Variants in RAB11FIP3 observed in about 807,000 individuals in gnomAD.
RAB11FIP3 encodes rab11 family-interacting protein 3.
A neutral mutation model predicts 77.8 loss-of-function variants in RAB11FIP3; 17 were observed. The observed-to-expected ratio is 0.22, with a 90% CI of 0.15 to 0.33. The LOEUF (loss-of-function observed/expected upper bound fraction) is 0.33. Among genes scored for constraint, RAB11FIP3 ranks in the 10% least tolerant of loss-of-function variants. The probability of loss-of-function intolerance (pLI) is 1.00; values close to 1 mark genes in which losing one functional copy is unlikely to be tolerated. For synonymous variants in RAB11FIP3, 437 were observed against 448.2 expected, an observed-to-expected ratio of 0.98 and a Z score of 0.31; for missense variants, 1,005 against 1,011.2, an observed-to-expected ratio of 0.99 and a Z score of 0.08.
At chr16:463,817 G>A (rs1437565406) in intron 2 of RAB11FIP3, among the ~76,000 whole-genome samples, 1 of 152,186 alleles carries the variant, frequency 6.6e-6, no homozygotes, top group Non-Finnish European at 1.5e-5. Context: ...CGGCCTCTGC[G>A]CTGGGCTTGG....
In RAB11FIP3 at chr16:522,044, T is replaced by TGTGTGCGCGCGCGTGTGTGTGCGCGC. The variant is rs58290701; in HGVS notation, c.*1205_*1206insGTGTGCGCGCGCGTGTGTGTGCGCGC. 1 of 151,730 alleles carries TGTGTGCGCGCGCGTGTGTGTGCGCGC rather than the reference T, an allele frequency of 6.6e-6. No homozygotes were observed. The highest frequency in any genetic ancestry group is 2.4e-5 in the African/African-American group (1 of 41,226). 9.4% of individuals were successfully genotyped at this position (151,730 alleles called of 1,614,324 possible). Reference sequence around the variant, plus strand: ...CGCTGCGTGTGTGTGCGCGCGCGTGTACGTGTGGCCCCACATCCGCCGCCT... The same window carrying TGTGTGCGCGCGCGTGTGTGTGCGCGC: ...CGCTGCGTGTGTGTGCGCGCGCGTGTGTGTGCGCGCGCGTGTGTGTGCGCGCACGTGTGGCCCCACATCCGCCGCCT... On this transcript the variant is annotated 3_prime_UTR_variant, in exon 14 of 14. Coordinates refer to ENST00000262305, the MANE Select transcript of RAB11FIP3 (RefSeq NM_014700.4).
rs2032655306 is a variant in RAB11FIP3 at position 520,854 on chromosome 16, A to T, written c.*15A>T. On this transcript the variant is annotated 3_prime_UTR_variant, in exon 14 of 14. Transcript: ENST00000262305. The stretch of plus-strand genomic sequence containing the variant: ...AGGTCAAGTAGAGGCAGGAAGGTCC[A>T]GCCTGAGCTGGATTCGGGACTCCAA... The T allele has an allele frequency of 2.5e-6, 4 of 1,604,274 alleles. No individual in the cohort carries two copies. The South Asian group carries it at 3.3e-5, about 13-fold the overall frequency.
intron 3 of RAB11FIP3, chr16:482,239 T>G: frequency 1.8e-6 from 1 of 571,022 alleles, no homozygotes; most frequent in South Asian, 1.7e-5. Flanking sequence ...GTATTTTTGG[T>G]AGAGACAAAT....
chr16:435,175 A>T (rs1366631172), intron 1 of RAB11FIP3, among the ~76,000 whole-genome samples: 1 of 151,348 alleles, frequency 6.6e-6, no homozygotes, highest in African/African-American at 2.4e-5. Context: ...ACTGCACTCC[A>T]GCCTGGGCGA....
intron 3 of RAB11FIP3, among the ~76,000 whole-genome samples, chr16:478,647 AT>A (rs1465631276): frequency 6.6e-6 from 1 of 152,148 alleles, no homozygotes; most frequent in Non-Finnish European, 1.5e-5. Flanking sequence ...CAGCAATTTC[AT>A]TTTCATTAAG....
chr16:498,946 C>T (rs764876612), intron 6 of RAB11FIP3, among the ~76,000 whole-genome samples: 1 of 152,190 alleles, frequency 6.6e-6, no homozygotes, highest in African/African-American at 2.4e-5. Context: ...CGTAGTAGGT[C>T]ACGCCTGTAA....
intron 1 of RAB11FIP3, among the ~76,000 whole-genome samples, chr16:431,369 A>G (rs957638632): frequency 6.6e-6 from 1 of 150,974 alleles, no homozygotes; most frequent in South Asian, 2.1e-4. Context: ...ATTTTACTAC[A>G]TTTCTTTTCA....
intron 1 of RAB11FIP3, among the ~76,000 whole-genome samples, chr16:456,306 C>T (rs1256580113): frequency 5.3e-5 from 8 of 151,528 alleles, no homozygotes; most frequent in South Asian, 2.1e-4. Context: ...AAAAATGAGC[C>T]GGGTGTGGCG....
chr16:436,757 A>G (rs2055136963), intron 1 of RAB11FIP3, among the ~76,000 whole-genome samples: 1 of 152,150 alleles, frequency 6.6e-6, no homozygotes, highest in Admixed American at 6.6e-5. Flanking sequence ...GATATGAGCT[A>G]CCGCGCCCAG....
At chr16:480,503 T>C (rs1415545181) in intron 3 of RAB11FIP3, among the ~76,000 whole-genome samples, 1 of 151,872 alleles carries the variant, frequency 6.6e-6, no homozygotes, top group Admixed American at 6.6e-5. Flanking sequence ...TATATTTATT[T>C]ATTTATTTAT....
At position 466,769 on chromosome 16, in the gene RAB11FIP3, T is replaced by C. The variant is rs116731759; in HGVS notation, c.809-4526T>C. ...AGACACCGTCCCCTTCTCTCTTTGC[T>C]GTCACCTGGGCCAATCCCACAGCAG... is the stretch of plus-strand genomic sequence containing the variant. On this transcript the variant is annotated intron_variant, in intron 2 of 13. Coordinates refer to ENST00000262305, the MANE Select transcript of RAB11FIP3 (RefSeq NM_014700.4). 6.7e-3 allele frequency among the ~76,000 whole-genome samples: 1,016 copies of C among 152,274 alleles called. 11 individuals are homozygous for C. Among genetic ancestry groups the C allele is most frequent in the African/African-American group, 0.021 (883 of 41,556 alleles).
At position 457,657 on chromosome 16, in the gene RAB11FIP3, C is replaced by G. The variant is rs555139166; in HGVS notation, c.715-3747C>G. 3.9e-5 allele frequency among the ~76,000 whole-genome samples: 6 copies of G among 152,168 alleles called. No individual in the cohort carries two copies. In the South Asian group the frequency reaches 1.0e-3, roughly 26 times the overall value. On this transcript the variant is annotated intron_variant, in intron 1 of 13. Coordinates refer to ENST00000262305, the MANE Select transcript of RAB11FIP3 (RefSeq NM_014700.4). ...TAAAATGGAGTTTTAAAAATGTATA[C>G]TTTGATTCACTCTTGTTCATTCTAA...
intron 1 of RAB11FIP3, among the ~76,000 whole-genome samples, chr16:458,472 TGGGGGGCCTTCCTCGGGTTCACCGATGCC>T: frequency 7.0e-6 from 1 of 142,360 alleles, no homozygotes; most frequent in Non-Finnish European, 1.5e-5. Flanking sequence ...CCACAGGGCC[TGGGGGGCCTTCCTCGGGTTCACCGATGCC>T]CACAGGGCCT....
rs979092131 is a variant in RAB11FIP3 at position 506,351 on chromosome 16, G to A, written c.1499+724G>A. 6.6e-6 allele frequency among the ~76,000 whole-genome samples: 1 copy of A among 152,108 alleles called. No homozygotes were observed. The highest frequency in any genetic ancestry group is 2.4e-5 in the African/African-American group (1 of 41,416). On this transcript the variant is annotated intron_variant, in intron 8 of 13. Coordinates refer to ENST00000262305, the MANE Select transcript of RAB11FIP3 (RefSeq NM_014700.4). The surrounding 1 kb of genome is among the most constrained non-coding windows in gnomAD (Gnocchi z 4.5). ...GCTATGACACCTGTAGCTGGGCACCGGCAGCCTCTTGTGGGCAGAGGAGGC... is the reference window on the plus strand; with the variant it reads ...GCTATGACACCTGTAGCTGGGCACCAGCAGCCTCTTGTGGGCAGAGGAGGC...
chr16:475,130 A>G (rs2055878794), intron 3 of RAB11FIP3: 4 of 1,530,954 alleles, frequency 2.6e-6, no homozygotes, highest in Admixed American at 2.0e-5. Context: ...CACTGTGCCC[A>G]GTATTCCTAT....
In RAB11FIP3 at chr16:492,394, C is replaced by CCCGGGAGACCCGAGGCCGTCCAGAGCCCT; in HGVS notation, c.1265+3396_1265+3397insGGGAGACCCGAGGCCGTCCAGAGCCCTCC. Among the ~76,000 whole-genome samples the CCCGGGAGACCCGAGGCCGTCCAGAGCCCT allele has an allele frequency of 1.3e-3, 42 of 32,122 alleles. 1 individual carries two copies. The highest frequency in any genetic ancestry group is 5.0e-3 in the African/African-American group (39 of 7,794). The allele number at this position is 32,122 out of a possible 152,430, so 21.1% of individuals were successfully genotyped here. On this transcript the variant is annotated intron_variant, in intron 5 of 13. Transcript: ENST00000262305. Reference sequence around the variant, plus strand: ...GAGACCCGAGGCCGCCCAGAGCCCTCCCCGGGAGACCCGAGGCCGCCCAGG... The same window carrying CCCGGGAGACCCGAGGCCGTCCAGAGCCCT: ...GAGACCCGAGGCCGCCCAGAGCCCTCCCGGGAGACCCGAGGCCGTCCAGAGCCCTCCCGGGAGACCCGAGGCCGCCCAGG...
At position 520,912 on chromosome 16, in the gene RAB11FIP3, G is replaced by A. The variant is rs753818324; in HGVS notation, c.*73G>A. On this transcript the variant is annotated 3_prime_UTR_variant, in exon 14 of 14. Transcript: ENST00000262305. The stretch of plus-strand genomic sequence containing the variant: ...GAGTGGTTCCGTCAGACCATGAGGA[G>A]CCAAGACCAGCAGGTCCCACAGCCG... The A allele has an allele frequency of 8.1e-6, 10 of 1,241,356 alleles. No individual in the cohort carries two copies. The highest frequency in any genetic ancestry group is 1.5e-5 in the African/African-American group (1 of 67,586). 76.9% of individuals were successfully genotyped at this position (1,241,356 alleles called of 1,614,324 possible). A position where few individuals can be genotyped will look rare whatever the true frequency, so the allele number is the denominator to read the frequency against.
Position 506,375 on chromosome 16 carries a change from G to A in RAB11FIP3, c.1499+748G>A, listed in dbSNP as rs3785305. On this transcript the variant is annotated intron_variant, in intron 8 of 13. Coordinates refer to ENST00000262305, the MANE Select transcript of RAB11FIP3 (RefSeq NM_014700.4). The surrounding 1 kb of genome is among the most constrained non-coding windows in gnomAD (Gnocchi z 4.5). Reference sequence around the variant, plus strand: ...CGGCAGCCTCTTGTGGGCAGAGGAGGCAGCCAGGAGGCCTATGAGGCACCT... The same window carrying A: ...CGGCAGCCTCTTGTGGGCAGAGGAGACAGCCAGGAGGCCTATGAGGCACCT... 0.05 allele frequency among the ~76,000 whole-genome samples: 7,597 copies of A among 152,276 alleles called. 267 individuals are homozygous for A. Among genetic ancestry groups the A allele is most frequent in the African/African-American group, 0.1 (4,320 of 41,558 alleles).
chr16:488,711 C>CGT (rs1555504673), intron 4 of RAB11FIP3, 140 bp from the exon 5 acceptor site: 35 of 581,090 alleles, frequency 6.0e-5, no homozygotes, highest in Non-Finnish European at 8.3e-5. Context: ...ATCCAGCCCA[C>CGT]TTTTTTTTTT....
Sources: allele counts gnomAD v4.1 joint callset (sites outside exome capture counted in the v4.1 genomes callset), GRCh38; gene constraint gnomAD v4.1.1; non-coding constraint Gnocchi (gnomAD v3.1); transcripts MANE v1.5; gene names NCBI Gene and HGNC (gene_info 2026-07-23, HGNC 2026-07-21).